SLC27A6: variants seen among roughly 807,000 people sequenced by gnomAD.
SLC27A6 encodes the protein long-chain fatty acid transport protein 6.
In SLC27A6, 74 loss-of-function variants were observed where a neutral mutation model predicts 63.9. The observed-to-expected ratio is 1.16, with a 90% CI of 0.96 to 1.40. SLC27A6 has a LOEUF of 1.40. Among genes scored for constraint, SLC27A6 ranks in the 40% most tolerant of loss-of-function variants. The pLI, the probability that SLC27A6 is intolerant of heterozygous loss-of-function variation, is 0.00. For synonymous variants in SLC27A6, 287 were observed against 260.8 expected (o/e 1.10, Z -0.97); for missense variants, 794 against 732.9 (o/e 1.08, Z -0.96).
Position 129,006,356 on chromosome 5 carries a change from C to T in SLC27A6, c.970-9529C>T, listed in dbSNP as rs1209774520. Among the ~76,000 whole-genome samples the T allele has an allele frequency of 2.0e-5, 3 of 151,976 alleles. No homozygotes were observed. The East Asian group carries it at 5.8e-4, about 30-fold the overall frequency. On this transcript the variant is annotated intron_variant, in intron 4 of 9. Transcript: ENST00000262462. ...CTGCCCGCCTCGGTCTCCCAAAGTG[C>T]TGGGATTACAGGCATGAGCCACCGC...
chr5:129,016,478 T>C (rs1751902141), intron 5 of SLC27A6, among the ~76,000 whole-genome samples: 2 of 148,332 alleles, frequency 1.3e-5, no homozygotes, highest in South Asian at 4.3e-4. Flanking sequence ...TTGTGGTAAA[T>C]ATTATCACCT....
intron 1 of SLC27A6, among the ~76,000 whole-genome samples, chr5:128,967,109 C>T (rs1259937432): frequency 1.3e-5 from 2 of 152,174 alleles, no homozygotes; most frequent in East Asian, 3.8e-4. Context: ...TAGGACTTGC[C>T]TAGCAAGGTT....
At position 128,965,819 on chromosome 5, in the gene SLC27A6, C is replaced by G. The variant is rs1749861782; in HGVS notation, c.-319C>G. 1 of 252,122 alleles carries G rather than the reference C, an allele frequency of 4.0e-6. No individual in the cohort carries two copies. The allele number at this position is 252,122 out of a possible 1,614,324, so 15.6% of individuals were successfully genotyped here. A position where few individuals can be genotyped will look rare whatever the true frequency, so the allele number is the denominator to read the frequency against. Reference sequence around the variant, plus strand: ...TCGCGGTTGGGAGGCGAGGGCGCAGCGCTGGGGTTGTAGATTCCAAGACCC... The same window carrying G: ...TCGCGGTTGGGAGGCGAGGGCGCAGGGCTGGGGTTGTAGATTCCAAGACCC... On this transcript the variant is annotated 5_prime_UTR_variant, in exon 1 of 10. Transcript: ENST00000262462.
At chr5:129,025,388 G>A (rs982047807) in intron 6 of SLC27A6, among the ~76,000 whole-genome samples, 3 of 151,984 alleles carry the variant, frequency 2.0e-5, no homozygotes, top group Non-Finnish European at 2.9e-5. Flanking sequence ...GAAATACAGG[G>A]AATGTAGACT....
chr5:129,015,484 G>A (rs1751860864), intron 4 of SLC27A6, among the ~76,000 whole-genome samples: 1 of 152,144 alleles, frequency 6.6e-6, no homozygotes. Flanking sequence ...AGAATCAGAG[G>A]TAGGAGTCAA....
chr5:128,986,329 G>T lies in SLC27A6; in HGVS notation c.685+993G>T, dbSNP rs1246932021. On this transcript the variant is annotated intron_variant, in intron 2 of 9. Coordinates refer to ENST00000262462, the MANE Select transcript of SLC27A6 (RefSeq NM_001017372.3). ...TCAGTCTTAAGAAAGAAAAGAAAGAGAATTCAAAAGAAATGTTAAACTTAA... is the reference window on the plus strand; with the variant it reads ...TCAGTCTTAAGAAAGAAAAGAAAGATAATTCAAAAGAAATGTTAAACTTAA... Among the ~76,000 whole-genome samples, 7 of 152,148 alleles carry T rather than the reference G, an allele frequency of 4.6e-5. 1 individual carries two copies. The South Asian group carries it at 8.3e-4, about 18-fold the overall frequency.
At chr5:129,010,304 A>G (rs983166958) in intron 4 of SLC27A6, among the ~76,000 whole-genome samples, 1 of 152,198 alleles carries the variant, frequency 6.6e-6, no homozygotes, top group East Asian at 1.9e-4. Flanking sequence ...TACAAATTAC[A>G]AATTAAAAAT....
chr5:128,998,156 A>T (rs1284837147), intron 4 of SLC27A6, among the ~76,000 whole-genome samples: 1 of 149,158 alleles, frequency 6.7e-6, no homozygotes, highest in Non-Finnish European at 1.5e-5. Flanking sequence ...AGGGGTGGTG[A>T]TGTATGCCAT....
At chr5:129,001,700 G>A (rs540309448) in intron 4 of SLC27A6, among the ~76,000 whole-genome samples, 1 of 152,042 alleles carries the variant, frequency 6.6e-6, no homozygotes, top group Admixed American at 6.6e-5. Flanking sequence ...ACATTCTTTT[G>A]TTTCATGAAA....
intron 4 of SLC27A6, among the ~76,000 whole-genome samples, chr5:129,012,658 G>T (rs576311303): frequency 1.3e-5 from 2 of 152,138 alleles, no homozygotes; most frequent in Admixed American, 1.3e-4. Context: ...TATCCATACA[G>T]TGAATTGACC....
intron 1 of SLC27A6, 26 bp from the exon 2 acceptor site, chr5:128,985,107 A>T (rs774164180): frequency 6.4e-7 from 1 of 1,573,040 alleles, no homozygotes; most frequent in Non-Finnish European, 8.7e-7. Flanking sequence ...GGTTTGCTTA[A>T]CTCTTCCCAA....
chr5:128,987,864 G>A (rs1750844405), intron 2 of SLC27A6, among the ~76,000 whole-genome samples: 1 of 151,992 alleles, frequency 6.6e-6, no homozygotes, highest in African/African-American at 2.4e-5. Flanking sequence ...AGAATGGGGT[G>A]TGAAAATTAT....
chr5:128,997,652 A>G (rs1194292883), intron 4 of SLC27A6, among the ~76,000 whole-genome samples: 2 of 152,216 alleles, frequency 1.3e-5, no homozygotes, highest in South Asian at 2.1e-4. Flanking sequence ...TGTAAAATAT[A>G]CACATCTTTT....
chr5:128,989,098 A>C (rs564837870), intron 3 of SLC27A6, among the ~76,000 whole-genome samples: 1 of 152,324 alleles, frequency 6.6e-6, no homozygotes, highest in African/African-American at 2.4e-5. Context: ...GAAGCTGCAT[A>C]AATCTTAAGG....
chr5:128,971,993 A>G (rs1026236908), intron 1 of SLC27A6, among the ~76,000 whole-genome samples: 3 of 152,136 alleles, frequency 2.0e-5, no homozygotes, highest in African/African-American at 7.2e-5. Context: ...GCTTGTTTGT[A>G]AAGGATATTA....
intron 1 of SLC27A6, among the ~76,000 whole-genome samples, chr5:128,977,472 TG>T (rs34585246): frequency 6.7e-6 from 1 of 148,908 alleles, no homozygotes; most frequent in Non-Finnish European, 1.5e-5. Flanking sequence ...AGGAAAGGGG[TG>T]GGGGAACAAG....
At position 128,969,787 on chromosome 5, in the gene SLC27A6, T is replaced by C. The variant is rs1446874066; in HGVS notation, c.481+3169T>C. Reference sequence around the variant, plus strand: ...TCCTGCCTGATTGCCCTGGCCAGAATTTCCAACACTATGTTGAATAGGAGT... The same window carrying C: ...TCCTGCCTGATTGCCCTGGCCAGAACTTCCAACACTATGTTGAATAGGAGT... On this transcript the variant is annotated intron_variant, in intron 1 of 9. Transcript: ENST00000262462. Among the ~76,000 whole-genome samples, 7 of 152,260 alleles carry C rather than the reference T, an allele frequency of 4.6e-5. No individual in the cohort carries two copies. In the East Asian group the frequency reaches 5.8e-4, roughly 13 times the overall value.
chr5:129,006,071 G>GTTTTTTTTTTTTTTTTTTT lies in SLC27A6; in HGVS notation c.970-9807_970-9789dup, dbSNP rs4068575. ...TAAAATTTTCATTCCTGTGCACACT[G>GTTTTTTTTTTTTTTTTTTT]TTTTTTTTTTTTTTTTTTTTTTTTT... On this transcript the variant is annotated intron_variant, in intron 4 of 9. Transcript: ENST00000262462. Among the ~76,000 whole-genome samples, 234 of 60,122 alleles carry GTTTTTTTTTTTTTTTTTTT rather than the reference G, an allele frequency of 3.9e-3. 60 individuals are homozygous for GTTTTTTTTTTTTTTTTTTT. The highest frequency in any genetic ancestry group is 0.02 in the East Asian group (12 of 612). 39.4% of individuals were successfully genotyped at this position (60,122 alleles called of 152,430 possible). A position where few individuals can be genotyped will look rare whatever the true frequency, so the allele number is the denominator to read the frequency against.
intron 1 of SLC27A6, among the ~76,000 whole-genome samples, chr5:128,981,493 G>GA (rs202204439): frequency 0.24 from 35,933 of 148,284 alleles, 4,921 homozygotes; most frequent in Non-Finnish European, 0.31. Context: ...AAAAAAAAAA[G>GA]AAAAAAAAAT....
Sources: allele counts gnomAD v4.1 joint callset (sites outside exome capture counted in the v4.1 genomes callset), GRCh38; gene constraint gnomAD v4.1.1; transcripts MANE v1.5; gene names NCBI Gene and HGNC (gene_info 2026-07-23, HGNC 2026-07-21).